The following CWC22 variants were observed in gnomAD, a reference collection of about 807,000 sequenced individuals.
The protein encoded by CWC22 is CWC22 spliceosome associated protein.
In CWC22, 53 loss-of-function variants were observed where a neutral mutation model predicts 117.2. The observed-to-expected ratio is 0.45, with a 90% CI of 0.36 to 0.57. The LOEUF (loss-of-function observed/expected upper bound fraction) is 0.57, where lower values mean the gene tolerates loss of function less well. Ranked by LOEUF, CWC22 falls within the 20% of genes least tolerant of loss-of-function variation. The pLI, the probability that CWC22 is intolerant of heterozygous loss-of-function variation, is 0.00. For missense variants in CWC22, 980 were observed against 1,068.8 expected (o/e 0.92, Z 1.16); for synonymous variants, 360 against 355.6 (o/e 1.01, Z -0.14).
chr2:179,995,982 C>T (rs2105558737), intron 1 of CWC22, among the ~76,000 whole-genome samples: 1 of 152,288 alleles, frequency 6.6e-6, no homozygotes, highest in South Asian at 2.1e-4. Flanking sequence ...GTTCCCACAT[C>T]TCTGACTACC....
chr2:179,985,765 G>C (rs1220175345), intron 4 of CWC22, among the ~76,000 whole-genome samples: 1 of 151,926 alleles, frequency 6.6e-6, no homozygotes, highest in African/African-American at 2.4e-5. Flanking sequence ...CTTTTACTAT[G>C]CCTAATTTAT....
intron 5 of CWC22, among the ~76,000 whole-genome samples, 196 bp downstream of exon 5, chr2:179,981,556 A>T (rs761526095): frequency 6.6e-6 from 1 of 152,248 alleles, no homozygotes; most frequent in Non-Finnish European, 1.5e-5. Flanking sequence ...AAAAGAAAAA[A>T]GAAGTAATGT....
intron 11 of CWC22, among the ~76,000 whole-genome samples, chr2:179,968,673 T>C (rs1686953757): frequency 6.6e-6 from 1 of 152,022 alleles, no homozygotes; most frequent in Non-Finnish European, 1.5e-5. Flanking sequence ...GTTCAAGCGA[T>C]TCTCCTGCCT....
chr2:179,968,654 A>G (rs542209994), intron 11 of CWC22, among the ~76,000 whole-genome samples: 2 of 150,746 alleles, frequency 1.3e-5, no homozygotes, highest in East Asian at 2.0e-4. Flanking sequence ...TGCAACCTCC[A>G]CCTCCCCAGT....
intron 13 of CWC22, among the ~76,000 whole-genome samples, chr2:179,963,912 G>A (rs1686824731): frequency 6.6e-6 from 1 of 152,162 alleles, no homozygotes; most frequent in African/African-American, 2.4e-5. Flanking sequence ...TAAATCAATA[G>A]GTTGATTCAC....
At chr2:179,982,819 C>G (rs938763890) in intron 4 of CWC22, among the ~76,000 whole-genome samples, 9 of 152,092 alleles carry the variant, frequency 5.9e-5, no homozygotes. Context: ...TATCTTTCCC[C>G]AGAGCAAAGT....
In CWC22 at chr2:179,945,354, C is replaced by G. The variant is rs745800610; in HGVS notation, c.2502G>C (p.Glu834Asp). 1 of 1,612,346 alleles carries G rather than the reference C, an allele frequency of 6.2e-7. No individual in the cohort carries two copies. Among genetic ancestry groups the G allele is most frequent in the Non-Finnish European group, 8.5e-7 (1 of 1,179,438 alleles). Residue 834 changes from glutamate (E) to aspartate (D), a missense_variant, in exon 20 of 20, where the codon GAG becomes GAC. Transcript: ENST00000410053. ...TGTCTTTAATTCGGTGTGTATGCTT[C>G]TCATTTTCAGAAAAAGAATTTCTTC... Reference protein sequence around the residue: ...GERRNSFSENEKHTHRIKDSE... With the variant: ...GERRNSFSENDKHTHRIKDSE...
chr2:179,954,408 T>C, intron 15 of CWC22, 51 bp from the exon 16 acceptor site: 1 of 1,170,220 alleles, frequency 8.5e-7, no homozygotes. Context: ...AATACAATTA[T>C]GAGCATATTA....
rs542640796 is a variant in CWC22 at position 179,949,071 on chromosome 2, C to T, written c.2140+1441G>A. Among the ~76,000 whole-genome samples, 36 of 152,258 alleles carry T rather than the reference C, an allele frequency of 2.4e-4. 1 individual carries two copies. The South Asian group carries it at 7.5e-3, about 32-fold the overall frequency. On this transcript the variant is annotated intron_variant, in intron 19 of 19. Coordinates refer to ENST00000410053, the MANE Select transcript of CWC22 (RefSeq NM_020943.3). ...AGTTACAAAGTAAAAAATATAAAGG[C>T]ATCAGAGAGCTAGTGGAAAAACAAG...
intron 1 of CWC22, among the ~76,000 whole-genome samples, chr2:179,999,498 T>A (rs1400091939): frequency 6.6e-6 from 1 of 152,302 alleles, no homozygotes; most frequent in East Asian, 1.9e-4. Context: ...TAATAACATA[T>A]ATAAGTACGT....
chr2:180,000,700 T>C (rs564249964), intron 1 of CWC22, among the ~76,000 whole-genome samples: 26 of 152,332 alleles, frequency 1.7e-4, no homozygotes, highest in Non-Finnish European at 1.8e-4. Flanking sequence ...CAGACAGTTC[T>C]GGACATTGTT....
intron 8 of CWC22, among the ~76,000 whole-genome samples, chr2:179,971,801 T>G: frequency 6.6e-6 from 1 of 152,168 alleles, no homozygotes; most frequent in East Asian, 1.9e-4. Flanking sequence ...AGTCAGACAG[T>G]GATTTAAGAT....
intron 6 of CWC22, among the ~76,000 whole-genome samples, chr2:179,974,460 C>T (rs540362453): frequency 2.8e-4 from 43 of 152,146 alleles, no homozygotes; most frequent in African/African-American, 9.4e-4. Flanking sequence ...ATTGGGCAAA[C>T]TAAAGTTACT....
At chr2:179,951,349 G>A (rs545278017) in intron 17 of CWC22, among the ~76,000 whole-genome samples, 1 of 152,100 alleles carries the variant, frequency 6.6e-6, no homozygotes, top group South Asian at 2.1e-4. Context: ...CAAGTACTGG[G>A]GGAGAGGTGG....
chr2:180,003,925 T>G (rs954765187), intron 1 of CWC22, among the ~76,000 whole-genome samples: 3 of 152,218 alleles, frequency 2.0e-5, no homozygotes, highest in Admixed American at 1.3e-4. Flanking sequence ...AAGTTTGTAC[T>G]TTGTTGTAGG....
chr2:179,981,993 T>C lies in CWC22; in HGVS notation c.211A>G (p.Arg71Gly), dbSNP rs755481775. 4 of 1,509,380 alleles carry C rather than the reference T, an allele frequency of 2.7e-6. No individual in the cohort carries two copies. In the South Asian group the frequency reaches 3.7e-5, roughly 14 times the overall value. The allele number at this position is 1,509,380 out of a possible 1,614,324, so 93.5% of individuals were successfully genotyped here. A position where few individuals can be genotyped will look rare whatever the true frequency, so the allele number is the denominator to read the frequency against. ...SYDSSMESRN[R>G]DREKRRERER... is the part of the protein sequence containing the mutation. Reference sequence around the variant, plus strand: ...CTTTCTCTGCGTTTTTCTCGGTCCCTGTTTCTGTAATATAAATTTTTTGAA... The same window carrying C: ...CTTTCTCTGCGTTTTTCTCGGTCCCCGTTTCTGTAATATAAATTTTTTGAA... The change falls in exon 5 of 20, where the codon AGG becomes GGG. Residue 71 changes from arginine to glycine, a missense_variant. By Grantham distance (125) the Arg-to-Gly change is moderately radical. This residue lies in a region of CWC22 where 559 missense variants were observed against 602.3 expected (regional missense o/e 0.93). Transcript: ENST00000410053.
chr2:179,946,725 A>G (rs1686313864), intron 19 of CWC22, among the ~76,000 whole-genome samples: 1 of 152,206 alleles, frequency 6.6e-6, no homozygotes, highest in Non-Finnish European at 1.5e-5. Context: ...ACTAGCATTC[A>G]CTTCCTAAAC....
Position 179,965,894 on chromosome 2 carries a change from T to G in CWC22, c.1299A>C (p.Gly433=). The change falls in exon 12 of 20, where the codon GGA becomes GGC. Residue 433 remains glycine (G), a synonymous_variant. Transcript: ENST00000410053. ...EEDEEEEEEE[G]EEDEEGQKVT... Reference sequence around the variant, plus strand: ...CATGTTTACCTTCTTCATCTTCTTCTCCCTCTTCCTCTTCTTCTTCCTCGT... The same window carrying G: ...CATGTTTACCTTCTTCATCTTCTTCGCCCTCTTCCTCTTCTTCTTCCTCGT... 1 of 1,545,568 alleles carries G rather than the reference T, an allele frequency of 6.5e-7. No homozygotes were observed. Among genetic ancestry groups the G allele is most frequent in the Non-Finnish European group, 8.9e-7 (1 of 1,117,898 alleles).
chr2:179,966,116 C>T, intron 11 of CWC22, 134 bp from the exon 12 acceptor site: 1 of 620,112 alleles, frequency 1.6e-6, no homozygotes, highest in Non-Finnish European at 2.7e-6. Flanking sequence ...AGATAACCAC[C>T]AAGCCTCGTG....
Sources: gnomAD v4.1 joint callset for allele counts (sites outside exome capture counted in the v4.1 genomes callset) on GRCh38, gnomAD v4.1.1 for gene constraint, gnomAD v4.1.1 regional missense constraint, MANE v1.5 for transcripts, NCBI Gene and HGNC (gene_info 2026-07-23, HGNC 2026-07-21) for gene names.